HECTD4: variants seen among roughly 807,000 people sequenced by gnomAD.
The protein encoded by HECTD4 is HECT domain E3 ubiquitin protein ligase 4.
Under a neutral mutation model 471.5 loss-of-function variants are expected in HECTD4, and 114 were observed. The observed-to-expected ratio is 0.24, with a 90% confidence interval of 0.21 to 0.28. The LOEUF is 0.28. Ranked by LOEUF, HECTD4 falls within the 10% of genes least tolerant of loss-of-function variation. The pLI, the probability that HECTD4 is intolerant of heterozygous loss-of-function variation, is 1.00. For synonymous variants in HECTD4, 2,012 were observed against 2,256.0 expected, an observed-to-expected ratio of 0.89 and a Z score of 3.07; for missense variants, 3,866 against 5,651.5, an observed-to-expected ratio of 0.68 and a Z score of 10.13.
Position 112,243,354 on chromosome 12 carries a change from T to G in HECTD4, c.4957A>C (p.Arg1653=), listed in dbSNP as rs748251103. 1 of 1,610,364 alleles carries G rather than the reference T, an allele frequency of 6.2e-7. No individual in the cohort carries two copies. Among genetic ancestry groups the G allele is most frequent in the Non-Finnish European group, 8.5e-7 (1 of 1,178,040 alleles). The part of the protein sequence containing the change: ...PVTMVLQGGP[R]IEELTCGGMV... Reference sequence around the variant, plus strand: ...TATAAACTAACAGAAACAACTAACCTGGGTCCTCCCTGAAGGACCATCGTC... The same window carrying G: ...TATAAACTAACAGAAACAACTAACCGGGGTCCTCCCTGAAGGACCATCGTC... Residue 1653 remains arginine, a splice_region_variant and synonymous_variant, in exon 32 of 76, where the codon AGA becomes CGA. Transcript: ENST00000682272. This position sits in a 1 kb window ranked among gnomAD's most constrained non-coding sequence, Gnocchi z 6.6.
intron 1 of HECTD4, among the ~76,000 whole-genome samples, chr12:112,323,851 A>G (rs2035635191): frequency 6.6e-6 from 1 of 151,896 alleles, no homozygotes; most frequent in African/African-American, 2.4e-5. Flanking sequence ...AATTCCAACC[A>G]GACTATAGTT....
chr12:112,274,815 T>G, intron 10 of HECTD4, 32 bp downstream of exon 10: 1 of 1,372,988 alleles, frequency 7.3e-7, no homozygotes, highest in Non-Finnish European at 1.0e-6. Flanking sequence ...AACTTGAAAT[T>G]TTCCAAAGAT....
Position 112,194,113 on chromosome 12 carries a change from A to C in HECTD4, c.8750-439T>G, listed in dbSNP as rs930234502. Among the ~76,000 whole-genome samples, 1 of 152,136 alleles carries C rather than the reference A, an allele frequency of 6.6e-6. No individual in the cohort carries two copies. Among genetic ancestry groups the C allele is most frequent in the African/African-American group, 2.4e-5 (1 of 41,422 alleles). On this transcript the variant is annotated intron_variant, in intron 56 of 75. Transcript: ENST00000682272. The surrounding 1 kb of genome is among the most constrained non-coding windows in gnomAD (Gnocchi z 4.6). ...ACCACATTTGATGCTTTCCAGGTAT[A>C]TTTCAGGGCATCTAAGTTCTTGGGA...
Position 112,164,234 on chromosome 12 carries a change from G to T in HECTD4, c.12576C>A (p.Ile4192=). ...ETELEALCAE[I]ASQHLATESP... ...TCTCCGTGGCCAGGTGCTGGGAGGC[G>T]ATCTCAGCGCACAGGGCCTCCAGCT... The change falls in exon 73 of 76, where the codon ATC becomes ATA. Residue 4192 remains isoleucine, a synonymous_variant. Transcript: ENST00000682272. The T allele has an allele frequency of 6.2e-7, 1 of 1,613,692 alleles. No individual in the cohort carries two copies. Among genetic ancestry groups the T allele is most frequent in the Non-Finnish European group, 8.5e-7 (1 of 1,179,818 alleles).
At chr12:112,313,429 C>A (rs1213015167) in intron 3 of HECTD4, among the ~76,000 whole-genome samples, 1 of 149,774 alleles carries the variant, frequency 6.7e-6, no homozygotes, top group East Asian at 2.0e-4. Flanking sequence ...ATTCTCCTGC[C>A]TCAGCCTCCA....
Position 112,192,679 on chromosome 12 carries a change from A to C in HECTD4, c.9173T>G (p.Ile3058Ser), listed in dbSNP as rs1291319583. The change falls in exon 59 of 76, where the codon ATC becomes AGC. Residue 3058 changes from isoleucine (I) to serine (S), a missense_variant. Ile to Ser is a moderately radical substitution (Grantham distance 142, BLOSUM62 -2). Transcript: ENST00000682272. ...KVKRNGQLNL[I>S]EAACYPRDAS... ...GTCCCGCGGGTAACAGGCGGCCTCG[A>C]TGAGGTTCAGCTGGCCATTTCGCTT... 1 of 1,604,200 alleles carries C rather than the reference A, an allele frequency of 6.2e-7. No individual in the cohort carries two copies.
At chr12:112,320,795 T>C (rs1166506809) in intron 1 of HECTD4, among the ~76,000 whole-genome samples, 1 of 152,140 alleles carries the variant, frequency 6.6e-6, no homozygotes, top group Non-Finnish European at 1.5e-5. Context: ...AAACCTAATA[T>C]ATATATGTTT....
Position 112,231,507 on chromosome 12 carries a change from G to A in HECTD4, c.6200+6C>T, listed in dbSNP as rs759999582. 1 of 1,613,586 alleles carries A rather than the reference G, an allele frequency of 6.2e-7. No homozygotes were observed. Among genetic ancestry groups the A allele is most frequent in the Non-Finnish European group, 8.5e-7 (1 of 1,179,604 alleles). Reference sequence around the variant, plus strand: ...TGTGGACAGCTCCTACCTGTGGAAGGTTTACCTTGCAAGCTCCGAGTTCCT... The same window carrying A: ...TGTGGACAGCTCCTACCTGTGGAAGATTTACCTTGCAAGCTCCGAGTTCCT... On this transcript the variant is annotated splice_donor_region_variant and intron_variant, in intron 39 of 75. Transcript: ENST00000682272.
chr12:112,162,707 G>C lies in HECTD4; in HGVS notation c.13121-184C>G, dbSNP rs1466174890. 4 of 664,454 alleles carry C rather than the reference G, an allele frequency of 6.0e-6. No individual in the cohort carries two copies. Among genetic ancestry groups the C allele is most frequent in the African/African-American group, 5.5e-5 (3 of 55,016 alleles). 41.2% of individuals were successfully genotyped at this position (664,454 alleles called of 1,614,324 possible). ...ATGTTCTTGGAGGGAAAAGGGGAGA[G>C]AGCTGCTGGACAGCGCATGTGCCAA... On this transcript the variant is annotated intron_variant, in intron 75 of 75. Coordinates refer to ENST00000682272, the MANE Select transcript of HECTD4 (RefSeq NM_001388303.1). The surrounding 1 kb of genome is among the most constrained non-coding windows in gnomAD (Gnocchi z 5.2).
chr12:112,193,411 G>C lies in HECTD4; in HGVS notation c.8955+58C>G. 1 of 1,490,186 alleles carries C rather than the reference G, an allele frequency of 6.7e-7. No homozygotes were observed. Among genetic ancestry groups the C allele is most frequent in the East Asian group, 2.4e-5 (1 of 41,628 alleles). 92.3% of individuals were successfully genotyped at this position (1,490,186 alleles called of 1,614,324 possible). On this transcript the variant is annotated intron_variant, in intron 57 of 75. Transcript: ENST00000682272. This position sits in a 1 kb window ranked among gnomAD's most constrained non-coding sequence, Gnocchi z 5.2. Reference sequence around the variant, plus strand: ...GGGGAGTCATTTTCAGCAAGCCAGTGAGACTCCCAGTTAAAAATGGTAACC... The same window carrying C: ...GGGGAGTCATTTTCAGCAAGCCAGTCAGACTCCCAGTTAAAAATGGTAACC...
chr12:112,216,736 C>G (rs775552487), intron 47 of HECTD4, 37 bp downstream of exon 47: 1 of 1,604,442 alleles, frequency 6.2e-7, no homozygotes, highest in South Asian at 1.1e-5. Context: ...TGGGAGGCTA[C>G]TGCTCTCTGT....
chr12:112,353,103 T>C (rs1324476211), intron 1 of HECTD4, among the ~76,000 whole-genome samples: 1 of 152,194 alleles, frequency 6.6e-6, no homozygotes, highest in Non-Finnish European at 1.5e-5. Flanking sequence ...ATCAACTCTA[T>C]GGAAACCAGC....
intron 55 of HECTD4, 31 bp downstream of exon 55, chr12:112,200,607 T>C (rs746052786): frequency 1.1e-4 from 170 of 1,594,114 alleles, no homozygotes; most frequent in Non-Finnish European, 1.4e-4. Context: ...TGGATTTCTG[T>C]GACCCAGTAG....
At chr12:112,240,080 G>A in intron 32 of HECTD4, 53 bp from the exon 33 acceptor site, 1 of 1,594,130 alleles carries the variant, frequency 6.3e-7, no homozygotes. Context: ...AAGAACAGTG[G>A]CTGAGCAGGA....
chr12:112,382,203 C>T lies in HECTD4; in HGVS notation c.-75G>A. On this transcript the variant is annotated 5_prime_UTR_variant, in exon 1 of 76. It adds an upstream start codon to the 5' untranslated region. Transcript: ENST00000682272. ...AACGGAGCAGGAGCCGCCGCGATCA[C>T]CAGTCCATGGCAGCGGCCGCCGCGC... 8.6e-7 allele frequency: 1 copy of T among 1,157,218 alleles called. No homozygotes were observed. 71.7% of individuals were successfully genotyped at this position (1,157,218 alleles called of 1,614,324 possible). A position where few individuals can be genotyped will look rare whatever the true frequency, so the allele number is the denominator to read the frequency against.
At chr12:112,262,946 T>A (rs2034182929) in intron 17 of HECTD4, among the ~76,000 whole-genome samples, 2 of 152,224 alleles carry the variant, frequency 1.3e-5, no homozygotes, top group Non-Finnish European at 2.9e-5. Flanking sequence ...TTTTTTTTAA[T>A]CTTTAAGAGA....
intron 7 of HECTD4, among the ~76,000 whole-genome samples, chr12:112,292,740 C>T (rs2034914135): frequency 3.3e-5 from 5 of 152,242 alleles, no homozygotes; most frequent in South Asian, 4.1e-4. Flanking sequence ...AAAAATCTTT[C>T]GGCCAGGTGC....
chr12:112,320,503 GC>G (rs2035562770), intron 1 of HECTD4, among the ~76,000 whole-genome samples: 1 of 151,932 alleles, frequency 6.6e-6, no homozygotes, highest in Non-Finnish European at 1.5e-5. Context: ...TTCGAGGCCA[GC>G]CTGGCCAACA....
At chr12:112,378,259 C>T (rs1013967014) in intron 1 of HECTD4, among the ~76,000 whole-genome samples, 1 of 152,070 alleles carries the variant, frequency 6.6e-6, no homozygotes, top group African/African-American at 2.4e-5. Context: ...CGCTATGTTG[C>T]CCAGGCTGGA....
Sources: allele counts gnomAD v4.1 joint callset (sites outside exome capture counted in the v4.1 genomes callset), GRCh38; gene constraint gnomAD v4.1.1; non-coding constraint Gnocchi (gnomAD v3.1); transcripts MANE v1.5; gene names NCBI Gene and HGNC (gene_info 2026-07-23, HGNC 2026-07-21).